PTPRR: variants seen among roughly 807,000 people sequenced by gnomAD.
PTPRR encodes the protein protein tyrosine phosphatase receptor type R.
A neutral mutation model predicts 77.2 loss-of-function variants in PTPRR; 38 were observed. The observed-to-expected ratio is 0.49, with a 90% CI of 0.38 to 0.65. The LOEUF is 0.65. PTPRR is among the 30% of genes least tolerant of loss of function. PTPRR has a pLI of 0.00. For missense variants in PTPRR, 744 were observed against 799.2 expected (o/e 0.93, Z 0.83); for synonymous variants, 299 against 283.1 (o/e 1.06, Z -0.57).
chr12:70,676,477 T>A (rs933326859), intron 10 of PTPRR, among the ~76,000 whole-genome samples: 3 of 152,060 alleles, frequency 2.0e-5, no homozygotes, highest in Non-Finnish European at 4.4e-5. Context: ...TATTTAATTG[T>A]TGCTGCTTCT....
chr12:70,739,479 A>G (rs1889977363), intron 6 of PTPRR, among the ~76,000 whole-genome samples: 2 of 152,186 alleles, frequency 1.3e-5, no homozygotes, highest in South Asian at 4.1e-4. Flanking sequence ...TTCTTTAGAA[A>G]CAGACGAGAT....
chr12:70,788,784 GACCCTCTGCCTATCATGAGAGATTATCTC>G, intron 2 of PTPRR: 2 of 1,369,286 alleles, frequency 1.5e-6, no homozygotes, highest in Non-Finnish European at 2.0e-6. Context: ...TTACACCGAG[GACCCTCTGCCTATCATGAGAGATTATCTC>G]ACCTGTTTGG....
chr12:70,857,583 G>T (rs2137075387), intron 2 of PTPRR, among the ~76,000 whole-genome samples: 1 of 152,230 alleles, frequency 6.6e-6, no homozygotes, highest in East Asian at 1.9e-4. Context: ...TAACATATTT[G>T]CAGGGTGAAT....
intron 2 of PTPRR, among the ~76,000 whole-genome samples, chr12:70,804,175 G>GTGTGTGTGTT (rs1891668909): frequency 1.3e-5 from 2 of 150,594 alleles, no homozygotes; most frequent in South Asian, 4.2e-4. Context: ...GTGTGTGTGT[G>GTGTGTGTGTT]TGTTAAGGTT....
At chr12:70,730,202 A>G (rs1182684730) in intron 6 of PTPRR, among the ~76,000 whole-genome samples, 1 of 152,078 alleles carries the variant, frequency 6.6e-6, no homozygotes, top group Non-Finnish European at 1.5e-5. Context: ...TGCAGGTCAT[A>G]TATGGAAGAA....
chr12:70,861,170 C>T (rs1490823721), intron 2 of PTPRR, among the ~76,000 whole-genome samples: 1 of 152,108 alleles, frequency 6.6e-6, no homozygotes, highest in Non-Finnish European at 1.5e-5. Flanking sequence ...TAACAGTGTT[C>T]AAGAAGCTCC....
intron 10 of PTPRR, among the ~76,000 whole-genome samples, chr12:70,674,538 AGT>A (rs896966826): frequency 1.3e-5 from 2 of 152,124 alleles, no homozygotes; most frequent in African/African-American, 4.8e-5. Flanking sequence ...TAAGCATCAA[AGT>A]GTATTTTTTA....
intron 2 of PTPRR, among the ~76,000 whole-genome samples, chr12:70,889,831 C>T (rs1893304223): frequency 6.6e-6 from 1 of 151,954 alleles, no homozygotes; most frequent in Admixed American, 6.6e-5. Context: ...TTTTTCTTAC[C>T]CATGAGTCCA....
intron 2 of PTPRR, among the ~76,000 whole-genome samples, chr12:70,765,587 C>G (rs1890799200): frequency 6.6e-6 from 1 of 152,216 alleles, no homozygotes; most frequent in Non-Finnish European, 1.5e-5. Context: ...GGGCAGGGCA[C>G]AGACAAACAA....
chr12:70,899,585 T>C (rs1317477590), intron 1 of PTPRR, among the ~76,000 whole-genome samples: 1 of 151,380 alleles, frequency 6.6e-6, no homozygotes, highest in Non-Finnish European at 1.5e-5. Flanking sequence ...TGATAAAAGG[T>C]ACCTACACCA....
intron 2 of PTPRR, among the ~76,000 whole-genome samples, chr12:70,849,908 GACAA>G (rs962599029): frequency 8.5e-5 from 13 of 152,070 alleles, no homozygotes; most frequent in Admixed American, 7.2e-4. Context: ...TAGACGGAAT[GACAA>G]ACAAAAACCA....
intron 6 of PTPRR, among the ~76,000 whole-genome samples, chr12:70,715,180 T>C (rs1430264958): frequency 6.6e-6 from 1 of 151,956 alleles, no homozygotes; most frequent in Non-Finnish European, 1.5e-5. Context: ...CCGGGGGAGA[T>C]ATCACATGTC....
chr12:70,738,315 C>A (rs886488731), intron 6 of PTPRR, among the ~76,000 whole-genome samples: 1 of 152,040 alleles, frequency 6.6e-6, no homozygotes, highest in Non-Finnish European at 1.5e-5. Context: ...TATCAGCAAC[C>A]CTTGGGGGCC....
chr12:70,745,462 G>A (rs1469893979), intron 6 of PTPRR, among the ~76,000 whole-genome samples: 1 of 152,194 alleles, frequency 6.6e-6, no homozygotes, highest in Non-Finnish European at 1.5e-5. Context: ...AACACTCTGA[G>A]TTCATTCTCA....
chr12:70,691,162 A>G (rs147495940), intron 8 of PTPRR, among the ~76,000 whole-genome samples: 131 of 152,230 alleles, frequency 8.6e-4, no homozygotes, highest in African/African-American at 3.0e-3. Context: ...CCTCATGTAC[A>G]CTGTGATCTA....
At chr12:70,728,123 T>C (rs1889508166) in intron 6 of PTPRR, among the ~76,000 whole-genome samples, 1 of 151,812 alleles carries the variant, frequency 6.6e-6, no homozygotes, top group Non-Finnish European at 1.5e-5. Context: ...AGTTCTATTG[T>C]TGAATAACCC....
At chr12:70,721,168 G>A (rs1889236972) in intron 6 of PTPRR, among the ~76,000 whole-genome samples, 1 of 152,142 alleles carries the variant, frequency 6.6e-6, no homozygotes, top group East Asian at 1.9e-4. Context: ...ACATGGTACT[G>A]CCAAATATCC....
chr12:70,716,300 T>A (rs1411407576), intron 6 of PTPRR, among the ~76,000 whole-genome samples: 7 of 151,276 alleles, frequency 4.6e-5, no homozygotes, highest in Admixed American at 4.6e-4. Context: ...GAATTGTTAA[T>A]AATTTTCAAT....
At chr12:70,919,673 G>GTTTTTTTTTTTTTTTTTTTTTTTT (rs58439089) in intron 1 of PTPRR, among the ~76,000 whole-genome samples, 1 of 110,084 alleles carries the variant, frequency 9.1e-6, no homozygotes, top group Non-Finnish European at 1.9e-5. Context: ...AACTGTAATT[G>GTTTTTTTTTTTTTTTTTTTTTTTT]TTTTTTTTTT....
Sources: gnomAD v4.1 joint callset for allele counts (sites outside exome capture counted in the v4.1 genomes callset) on GRCh38, gnomAD v4.1.1 for gene constraint, MANE v1.5 for transcripts, NCBI Gene and HGNC (gene_info 2026-07-23, HGNC 2026-07-21) for gene names.